Variants in NEGR1 observed in about 807,000 individuals in gnomAD.
The protein encoded by NEGR1 is IgLON family member 4.
A neutral mutation model predicts 40.9 loss-of-function variants in NEGR1; 10 were observed. The observed-to-expected ratio is 0.24, with a 90% CI of 0.15 to 0.42. The LOEUF (loss-of-function observed/expected upper bound fraction) is 0.42, where lower values mean the gene tolerates loss of function less well. NEGR1 is among the 10% of genes least tolerant of loss of function. The pLI is 1.00. For missense variants in NEGR1, 352 were observed against 438.9 expected (o/e 0.80, Z 1.77); for synonymous variants, 185 against 166.8 (o/e 1.11, Z -0.84).
intron 6 of NEGR1, among the ~76,000 whole-genome samples, chr1:71,416,039 T>G (rs760003273): frequency 6.6e-6 from 1 of 152,198 alleles, no homozygotes; most frequent in Non-Finnish European, 1.5e-5. Context: ...GGGCATCATT[T>G]AGTTGAAGAA....
chr1:71,726,110 G>A (rs912305734), intron 3 of NEGR1, among the ~76,000 whole-genome samples: 3 of 152,144 alleles, frequency 2.0e-5, no homozygotes, highest in African/African-American at 7.2e-5. Context: ...AACTTAGACA[G>A]TACTTACGTG....
intron 1 of NEGR1, among the ~76,000 whole-genome samples, chr1:72,016,725 C>G (rs1242428080): frequency 6.6e-6 from 1 of 152,080 alleles, no homozygotes; most frequent in Admixed American, 6.6e-5. Context: ...CTCTAAAAAC[C>G]CCTGCACTGC....
intron 1 of NEGR1, among the ~76,000 whole-genome samples, chr1:72,144,469 CTG>C (rs1397150126): frequency 8.6e-5 from 8 of 93,194 alleles, no homozygotes; most frequent in Non-Finnish European, 2.0e-4. Flanking sequence ...TGCACATAAA[CTG>C]TAAATGCTAT....
chr1:71,419,220 C>A (rs1646377211), intron 6 of NEGR1, among the ~76,000 whole-genome samples: 1 of 152,176 alleles, frequency 6.6e-6, no homozygotes, highest in African/African-American at 2.4e-5. Flanking sequence ...GCAATTTGCT[C>A]ATTTTAGGGG....
intron 4 of NEGR1, among the ~76,000 whole-genome samples, chr1:71,672,892 C>A (rs1020866402): frequency 1.3e-5 from 2 of 152,044 alleles, no homozygotes; most frequent in African/African-American, 2.4e-5. Context: ...AACGGCTTGG[C>A]GGGATGTTGA....
chr1:71,875,830 T>G (rs1482221066), intron 2 of NEGR1, among the ~76,000 whole-genome samples: 1 of 152,172 alleles, frequency 6.6e-6, no homozygotes, highest in Non-Finnish European at 1.5e-5. Context: ...ACTCTTCGCT[T>G]GAGTATTGTC....
chr1:71,844,008 G>T (rs934910098), intron 2 of NEGR1, among the ~76,000 whole-genome samples: 1 of 152,130 alleles, frequency 6.6e-6, no homozygotes, highest in African/African-American at 2.4e-5. Flanking sequence ...AATTGAACTG[G>T]AGAGGGAGGT....
At chr1:71,438,286 G>A (rs1646523260) in intron 6 of NEGR1, among the ~76,000 whole-genome samples, 1 of 152,142 alleles carries the variant, frequency 6.6e-6, no homozygotes, top group Non-Finnish European at 1.5e-5. Flanking sequence ...TGGATCTTAT[G>A]TTTCTTGTGA....
rs12563112 is a variant in NEGR1, at chr1:71,728,345, G to A, written c.536-30206C>T. Among the ~76,000 whole-genome samples the A allele has an allele frequency of 3.3e-5, 5 of 152,122 alleles. No homozygotes were observed. The East Asian group carries it at 5.8e-4, about 18-fold the overall frequency. On this transcript the variant is annotated intron_variant, in intron 3 of 6. Coordinates refer to ENST00000357731, the MANE Select transcript of NEGR1 (RefSeq NM_173808.3). ...TGGAGTCCAGGCAGAGTAACTGGAA[G>A]GGTAAATTAGGGAGATGAAACTAGA...
chr1:72,184,726 T>C (rs1652551609), intron 1 of NEGR1, among the ~76,000 whole-genome samples: 1 of 152,046 alleles, frequency 6.6e-6, no homozygotes, highest in Non-Finnish European at 1.5e-5. Context: ...CATCCGGTCA[T>C]AGTACTACCT....
chr1:72,007,242 T>G (rs1478121028), intron 1 of NEGR1, among the ~76,000 whole-genome samples: 5 of 152,166 alleles, frequency 3.3e-5, no homozygotes, highest in Non-Finnish European at 7.4e-5. Context: ...GACCATTTCA[T>G]TTTTAATTTT....
intron 1 of NEGR1, among the ~76,000 whole-genome samples, chr1:72,251,732 G>C (rs1655098160): frequency 6.6e-6 from 1 of 152,036 alleles, no homozygotes; most frequent in Non-Finnish European, 1.5e-5. Context: ...TTGGATCCAT[G>C]GTTGAATTTG....
At chr1:71,439,883 T>C (rs939168267) in intron 6 of NEGR1, 4 of 151,920 alleles carry the variant, frequency 2.6e-5, no homozygotes, top group African/African-American at 9.7e-5. Context: ...CATATATATA[T>C]ATAAATAAAT....
chr1:71,566,078 CT>C (rs1377242084), intron 6 of NEGR1, among the ~76,000 whole-genome samples: 2 of 151,998 alleles, frequency 1.3e-5, no homozygotes, highest in Non-Finnish European at 2.9e-5. Context: ...TGGATTCCCC[CT>C]GAGAGCCTCC....
At chr1:71,597,472 C>CTCTCTGTGTGTGTGTGTG (rs756076229) in intron 5 of NEGR1, among the ~76,000 whole-genome samples, 490 of 31,320 alleles carry the variant, frequency 0.016, 34 homozygotes, top group Non-Finnish European at 0.024. Flanking sequence ...CTCTCTCTCT[C>CTCTCTGTGTGTGTGTGTG]TGTGTGTGTG....
intron 3 of NEGR1, among the ~76,000 whole-genome samples, chr1:71,701,174 T>C (rs1252133410): frequency 6.6e-6 from 1 of 152,076 alleles, no homozygotes; most frequent in Non-Finnish European, 1.5e-5. Context: ...TTGTGGTAAT[T>C]GGTTATAGCA....
At chr1:72,130,353 C>A (rs1216062568) in intron 1 of NEGR1, among the ~76,000 whole-genome samples, 3 of 152,142 alleles carry the variant, frequency 2.0e-5, no homozygotes, top group African/African-American at 7.2e-5. Flanking sequence ...TGAGCCCCTG[C>A]CCTGAGACAA....
chr1:72,116,125 A>G lies in NEGR1; in HGVS notation c.176+166194T>C, dbSNP rs933132162. ...TGTGGAGGTTCAATAGAAGGACAAC[A>G]GAGATTTTCATTCTTAAAAGAGATA... On this transcript the variant is annotated intron_variant, in intron 1 of 6. Coordinates refer to ENST00000357731, the MANE Select transcript of NEGR1 (RefSeq NM_173808.3). Among the ~76,000 whole-genome samples the G allele has an allele frequency of 2.0e-5, 3 of 151,788 alleles. No individual in the cohort carries two copies. The East Asian group carries it at 5.8e-4, about 29-fold the overall frequency.
intron 4 of NEGR1, among the ~76,000 whole-genome samples, chr1:71,634,867 T>C (rs1407758126): frequency 6.6e-6 from 1 of 152,096 alleles, no homozygotes. Context: ...AGTCCATCTC[T>C]ATGGATGAAG....
Sources: gnomAD v4.1 joint callset for allele counts (sites outside exome capture counted in the v4.1 genomes callset) on GRCh38, gnomAD v4.1.1 for gene constraint, MANE v1.5 for transcripts, NCBI Gene and HGNC (gene_info 2026-07-23, HGNC 2026-07-21) for gene names.